TTBK2: variants seen among roughly 807,000 people sequenced by gnomAD.
TTBK2 encodes tau tubulin kinase 2.
A neutral mutation model predicts 110.8 loss-of-function variants in TTBK2; 28 were observed. That is an observed-to-expected ratio of 0.25 (90% CI 0.19 to 0.35). TTBK2 has a LOEUF of 0.35. TTBK2 is among the 10% of genes least tolerant of loss of function. The probability of loss-of-function intolerance (pLI) is 1.00; values close to 1 mark genes in which losing one functional copy is unlikely to be tolerated. For synonymous variants in TTBK2, 532 were observed against 527.3 expected (o/e 1.01, Z -0.12); for missense variants, 1,369 against 1,500.3 (o/e 0.91, Z 1.45).
intron 3 of TTBK2, among the ~76,000 whole-genome samples, chr15:42,855,401 G>A (rs1434305727): frequency 6.6e-6 from 1 of 152,122 alleles, no homozygotes; most frequent in Admixed American, 6.6e-5. Flanking sequence ...CAAGGCTCCT[G>A]ATTCTGAATA....
intron 3 of TTBK2, among the ~76,000 whole-genome samples, chr15:42,851,114 G>C (rs776904295): frequency 7.2e-5 from 11 of 151,824 alleles, no homozygotes; most frequent in Non-Finnish European, 1.3e-4. Flanking sequence ...CGGTCGTGGT[G>C]GTGGGCGCCT....
At chr15:42,857,753 G>A (rs1894000625) in intron 3 of TTBK2, among the ~76,000 whole-genome samples, 1 of 151,168 alleles carries the variant, frequency 6.6e-6, no homozygotes, top group African/African-American at 2.4e-5. Flanking sequence ...TTTTGGCAAT[G>A]GATAAGTGGC....
intron 2 of TTBK2, among the ~76,000 whole-genome samples, chr15:42,877,871 G>A (rs576834861): frequency 2.6e-5 from 4 of 152,188 alleles, no homozygotes; most frequent in South Asian, 2.1e-4. Context: ...CAGAAGAAAT[G>A]CTAAGGTTAA....
intron 1 of TTBK2, among the ~76,000 whole-genome samples, chr15:42,885,367 C>T (rs1457345708): frequency 6.6e-6 from 1 of 152,112 alleles, no homozygotes; most frequent in Non-Finnish European, 1.5e-5. Context: ...CTCTCACTAC[C>T]CCTCAACCTC....
At chr15:42,785,223 G>A (rs1441228518) in intron 10 of TTBK2, among the ~76,000 whole-genome samples, 4 of 148,702 alleles carry the variant, frequency 2.7e-5, no homozygotes, top group Non-Finnish European at 3.0e-5. Context: ...GGGTTCAAGC[G>A]ATTCTCCTGC....
In TTBK2 at chr15:42,853,517, A is replaced by C. The variant is rs1893804220; in HGVS notation, c.218-13084T>G. ...TAATTAAATAATCCTTCAATTAATT[A>C]CCTTCTCATCCAAGGGAAAAAACAG... On this transcript the variant is annotated intron_variant, in intron 3 of 14. Transcript: ENST00000267890. Among the ~76,000 whole-genome samples, 4 of 152,320 alleles carry C rather than the reference A, an allele frequency of 2.6e-5. No individual in the cohort carries two copies. In the South Asian group the frequency reaches 8.3e-4, roughly 32 times the overall value.
chr15:42,739,633 G>A lies in TTBK2; in HGVS notation c.*6162C>T, dbSNP rs2061738413. 6.6e-6 allele frequency: 1 copy of A among 152,210 alleles called. No homozygotes were observed. Among genetic ancestry groups the A allele is most frequent in the Admixed American group, 6.5e-5 (1 of 15,286 alleles). 9.4% of individuals were successfully genotyped at this position (152,210 alleles called of 1,614,324 possible). On this transcript the variant is annotated 3_prime_UTR_variant, in exon 15 of 15. Coordinates refer to ENST00000267890, the MANE Select transcript of TTBK2 (RefSeq NM_173500.4). ...CAATCCAATGTCAAAGCCCCAAGTG[G>A]GCCAGTGTTACCTTTATCTTCCCAT...
chr15:42,777,237 A>G lies in TTBK2; in HGVS notation c.1203T>C (p.Ala401=), dbSNP rs1889970077. Residue 401 remains alanine (A), a synonymous_variant, in exon 12 of 15, where the codon GCT becomes GCC. Transcript: ENST00000267890. ...NKIKLGICKA[A]TEEENSHGQA... Reference sequence around the variant, plus strand: ...GGCCATGGCTGTTCTCCTCTTCAGTAGCAGCCTATCCAAAATATAAAATAA... The same window carrying G: ...GGCCATGGCTGTTCTCCTCTTCAGTGGCAGCCTATCCAAAATATAAAATAA... 2 of 1,614,034 alleles carry G rather than the reference A, an allele frequency of 1.2e-6. No homozygotes were observed. The highest frequency in any genetic ancestry group is 1.7e-6 in the Non-Finnish European group (2 of 1,180,020).
chr15:42,899,326 T>C (rs1446759529), intron 1 of TTBK2, among the ~76,000 whole-genome samples: 3 of 151,896 alleles, frequency 2.0e-5, no homozygotes, highest in African/African-American at 7.3e-5. Context: ...ACATAAAAAG[T>C]TTCTCACACC....
At chr15:42,815,933 T>TATATATATATTTAAAA (rs1891944740) in intron 7 of TTBK2, among the ~76,000 whole-genome samples, 2 of 33,826 alleles carry the variant, frequency 5.9e-5, no homozygotes, top group African/African-American at 3.2e-4. Context: ...TATTTAAAAA[T>TATATATATATTTAAAA]ATATATATAT....
chr15:42,884,086 C>T (rs1239552169), intron 1 of TTBK2, among the ~76,000 whole-genome samples: 1 of 151,940 alleles, frequency 6.6e-6, no homozygotes, highest in African/African-American at 2.4e-5. Context: ...CATGTATGCA[C>T]CTTAAAAAGA....
At chr15:42,818,928 AAAAAAAC>A (rs1567042403) in intron 6 of TTBK2, among the ~76,000 whole-genome samples, 1 of 149,128 alleles carries the variant, frequency 6.7e-6, no homozygotes, top group Non-Finnish European at 1.5e-5. Flanking sequence ...GTCTCAAAAA[AAAAAAAC>A]AAAAAACAAA....
At chr15:42,763,270 A>T (rs1889190349) in intron 13 of TTBK2, among the ~76,000 whole-genome samples, 1 of 116,088 alleles carries the variant, frequency 8.6e-6, no homozygotes, top group Admixed American at 1.0e-4. Context: ...GCTGGAGCAC[A>T]GAGTGCGATC....
At chr15:42,812,265 A>G (rs1160565100) in intron 7 of TTBK2, among the ~76,000 whole-genome samples, 1 of 152,122 alleles carries the variant, frequency 6.6e-6, no homozygotes. Flanking sequence ...TAGGGCCCTA[A>G]AAGGGTTACA....
intron 9 of TTBK2, among the ~76,000 whole-genome samples, chr15:42,808,159 G>A (rs1891556133): frequency 6.6e-6 from 1 of 152,110 alleles, no homozygotes; most frequent in Non-Finnish European, 1.5e-5. Context: ...ACACATGAAA[G>A]ATTCCTGGTA....
intron 3 of TTBK2, among the ~76,000 whole-genome samples, chr15:42,852,443 G>C (rs1363374942): frequency 6.6e-6 from 1 of 152,146 alleles, no homozygotes; most frequent in Admixed American, 6.5e-5. Flanking sequence ...TGGGTATAAA[G>C]GGAAAAAGTA....
At chr15:42,814,502 AG>A (rs1891859073) in intron 7 of TTBK2, among the ~76,000 whole-genome samples, 1 of 152,134 alleles carries the variant, frequency 6.6e-6, no homozygotes, top group African/African-American at 2.4e-5. Flanking sequence ...GCTTGAGCCC[AG>A]GAGTTCAAGG....
intron 10 of TTBK2, among the ~76,000 whole-genome samples, chr15:42,793,367 G>A (rs1049395129): frequency 6.6e-6 from 1 of 152,188 alleles, no homozygotes; most frequent in Non-Finnish European, 1.5e-5. Context: ...GATTCAACAA[G>A]TTCTAGTGAT....
intron 10 of TTBK2, among the ~76,000 whole-genome samples, chr15:42,785,663 G>A (rs1429694441): frequency 2.6e-5 from 4 of 152,002 alleles, no homozygotes; most frequent in Non-Finnish European, 5.9e-5. Flanking sequence ...ACCCTCCCAT[G>A]AGAGGCTTTT....
Sources: allele counts gnomAD v4.1 joint callset (sites outside exome capture counted in the v4.1 genomes callset), GRCh38; gene constraint gnomAD v4.1.1; transcripts MANE v1.5; gene names NCBI Gene and HGNC (gene_info 2026-07-23, HGNC 2026-07-21).